The following SLC9A6 variants were observed in gnomAD, a reference collection of about 807,000 sequenced individuals.
SLC9A6 encodes solute carrier family 9 member A6, also known as sodium/hydrogen exchanger 6.
In SLC9A6, 6 loss-of-function variants were observed where a neutral mutation model predicts 45.3. That is an observed-to-expected ratio of 0.13 (90% CI 0.07 to 0.26). SLC9A6 has a LOEUF of 0.26. SLC9A6 is among the 10% of genes least tolerant of loss of function. The probability of loss-of-function intolerance (pLI) is 1.00; values close to 1 mark genes in which losing one functional copy is unlikely to be tolerated. For missense variants in SLC9A6, 278 were observed against 503.7 expected (o/e 0.55, Z 4.29); for synonymous variants, 191 against 187.7 (o/e 1.02, Z -0.14).
At chrX:135,990,918 G>A (rs953748707) in intron 2 of SLC9A6, among the ~76,000 whole-genome samples, 2 of 111,933 alleles carry the variant, frequency 1.8e-5, no homozygotes, top group African/African-American at 3.2e-5. Context: ...CTTTTACTGA[G>A]CCTCTTAATT....
In SLC9A6 at chrX:135,985,459, G is replaced by A. The variant is rs1428385167; in HGVS notation, c.-75G>A. On this transcript the variant is annotated 5_prime_UTR_variant, in exon 1 of 18. Coordinates refer to ENST00000630721, the MANE Select transcript of SLC9A6 (RefSeq NM_001379110.1). The stretch of plus-strand genomic sequence containing the variant: ...TGAGCCCTCGGGGAGTGGTCCGACC[G>A]CGGGCGGCCGCCGGTGAGGTAGGGG... The A allele has an allele frequency of 1.0e-6, 1 of 988,145 alleles. No homozygotes were observed. The highest frequency in any genetic ancestry group is 1.3e-6 in the Non-Finnish European group (1 of 769,934). 81.4% of individuals were successfully genotyped at this position (988,145 alleles called of 1,213,427 possible).
chrX:135,988,109 A>T (rs1556615166), intron 2 of SLC9A6, among the ~76,000 whole-genome samples: 1 of 111,372 alleles, frequency 9.0e-6, no homozygotes, highest in Admixed American at 9.5e-5. Flanking sequence ...GGTATCATTA[A>T]CCTCATCTAA....
intron 6 of SLC9A6, among the ~76,000 whole-genome samples, chrX:136,000,254 CAAAAAAAA>C (rs1212509294): frequency 1.3e-4 from 2 of 15,785 alleles, no homozygotes; most frequent in Non-Finnish European, 2.6e-4. Flanking sequence ...ACCCTGTCTC[CAAAAAAAA>C]AAAAAAAAAA....
intron 7 of SLC9A6, among the ~76,000 whole-genome samples, chrX:136,004,965 C>G (rs2089635105): frequency 8.9e-6 from 1 of 112,125 alleles, no homozygotes; most frequent in East Asian, 2.8e-4. Flanking sequence ...GAGCGATTAC[C>G]AGCACTACAA....
At chrX:135,980,504 A>G (rs2089281847), upstream of SLC9A6, among the ~76,000 whole-genome samples, 2 of 111,556 alleles carry the variant, frequency 1.8e-5, no homozygotes, top group Non-Finnish European at 3.8e-5. Context: ...GAGAAATTTA[A>G]TGTTATCTGC....
chrX:136,000,428 G>T (rs782341653), intron 6 of SLC9A6, among the ~76,000 whole-genome samples: 2 of 110,952 alleles, frequency 1.8e-5, no homozygotes, highest in African/African-American at 3.3e-5. Context: ...ATGAAGGTAG[G>T]ATGGTTTTGG....
intron 16 of SLC9A6, among the ~76,000 whole-genome samples, chrX:136,037,701 G>T (rs2071434794): frequency 8.9e-6 from 1 of 111,850 alleles, no homozygotes; most frequent in Non-Finnish European, 1.9e-5. Context: ...CTCCCAAGTA[G>T]CTGGGACTAC....
chrX:136,008,214 A>G (rs782348189), intron 7 of SLC9A6, among the ~76,000 whole-genome samples: 3 of 112,014 alleles, frequency 2.7e-5, no homozygotes, highest in Admixed American at 9.5e-5. Flanking sequence ...GAAGTCTTAA[A>G]AACTGTAGTT....
intron 7 of SLC9A6, among the ~76,000 whole-genome samples, chrX:136,003,689 G>A (rs924297703): frequency 4.5e-5 from 5 of 112,153 alleles, no homozygotes; most frequent in East Asian, 5.6e-4. Context: ...AATTTTGTTC[G>A]ACATTGTTAA....
intron 2 of SLC9A6, among the ~76,000 whole-genome samples, chrX:135,994,254 G>A (rs782302800): frequency 5.5e-5 from 6 of 109,228 alleles, no homozygotes; most frequent in South Asian, 8.2e-4. Flanking sequence ...ACAGGCGCCC[G>A]CCACCACGCC....
At chrX:136,034,780 G>A (rs1182044704) in intron 16 of SLC9A6, among the ~76,000 whole-genome samples, 3 of 111,845 alleles carry the variant, frequency 2.7e-5, no homozygotes, top group Admixed American at 9.5e-5. Context: ...AAGAATGCAA[G>A]CATATCTGGG....
intron 8 of SLC9A6, among the ~76,000 whole-genome samples, chrX:136,011,583 G>A (rs1279956725): frequency 9.0e-6 from 1 of 111,673 alleles, no homozygotes; most frequent in African/African-American, 3.3e-5. Context: ...CAAAAAGCCA[G>A]AAGGCATGTC....
intron 8 of SLC9A6, among the ~76,000 whole-genome samples, chrX:136,011,657 T>C (rs1398841526): frequency 8.9e-6 from 1 of 112,435 alleles, no homozygotes; most frequent in African/African-American, 3.2e-5. Flanking sequence ...ACATGACCTC[T>C]GCCTCCCTGG....
In SLC9A6 at chrX:136,047,167, C is replaced by T. The variant is rs1210492660; in HGVS notation, c.*2443C>T. On this transcript the variant is annotated 3_prime_UTR_variant, in exon 18 of 18. Coordinates refer to ENST00000630721, the MANE Select transcript of SLC9A6 (RefSeq NM_001379110.1). ...TGAGTCACAGTTTATTTTAGTGAGACGTAAAGAGTGCTGACTTCATTTATT... is the reference window on the plus strand; with the variant it reads ...TGAGTCACAGTTTATTTTAGTGAGATGTAAAGAGTGCTGACTTCATTTATT... 8.0e-5 allele frequency: 9 copies of T among 112,243 alleles called. No individual in the cohort carries two copies. Among genetic ancestry groups the T allele is most frequent in the Non-Finnish European group, 1.5e-4 (8 of 53,241 alleles). The allele number at this position is 112,243 out of a possible 1,213,427, so 9.3% of individuals were successfully genotyped here.
upstream of SLC9A6, among the ~76,000 whole-genome samples, chrX:135,974,360 C>A (rs868948031): frequency 5.4e-5 from 1 of 18,453 alleles, no homozygotes; most frequent in Non-Finnish European, 8.6e-5. Context: ...GCGTAGGGGG[C>A]GGGGCGGAGG....
intron 8 of SLC9A6, 134 bp downstream of exon 8, chrX:136,010,717 A>G: frequency 1.7e-6 from 1 of 599,065 alleles, no homozygotes. Flanking sequence ...ACTTGGTTTG[A>G]AAACATTAAG....
Position 136,046,409 on chromosome X carries a change from C to T in SLC9A6, c.*1685C>T, listed in dbSNP as rs912153537. The T allele has an allele frequency of 1.8e-5, 2 of 112,503 alleles. No individual in the cohort carries two copies. Among genetic ancestry groups the T allele is most frequent in the African/African-American group, 3.2e-5 (1 of 30,863 alleles). 9.3% of individuals were successfully genotyped at this position (112,503 alleles called of 1,213,427 possible). ...TGCTATGCAGGAATCCCTCCCATGA[C>T]GTGTATGTTTTACATGATGTGTGCC... is the stretch of plus-strand genomic sequence containing the variant. On this transcript the variant is annotated 3_prime_UTR_variant, in exon 18 of 18. Coordinates refer to ENST00000630721, the MANE Select transcript of SLC9A6 (RefSeq NM_001379110.1).
intron 3 of SLC9A6, among the ~76,000 whole-genome samples, chrX:135,996,940 G>A (rs1402879906): frequency 9.1e-6 from 1 of 109,666 alleles, no homozygotes; most frequent in African/African-American, 3.3e-5. Flanking sequence ...CTAATTTTTT[G>A]TATTTTTAAT....
At chrX:136,023,605 G>T (rs782451854) in intron 12 of SLC9A6, among the ~76,000 whole-genome samples, 1 of 110,340 alleles carries the variant, frequency 9.1e-6, no homozygotes, top group Non-Finnish European at 1.9e-5. Flanking sequence ...AAGTCGTAGC[G>T]ATGGGGAATG....
Sources: allele counts gnomAD v4.1 joint callset (sites outside exome capture counted in the v4.1 genomes callset), GRCh38; gene constraint gnomAD v4.1.1; transcripts MANE v1.5; gene names NCBI Gene and HGNC (gene_info 2026-07-23, HGNC 2026-07-21).